The following USP48 variants were observed in gnomAD, a reference collection of about 807,000 sequenced individuals.
USP48 encodes the protein ubiquitin specific peptidase 48, also known as ubiquitin carboxyl-terminal hydrolase 48.
A neutral mutation model predicts 150.7 loss-of-function variants in USP48; 43 were observed. The ratio of observed to expected loss-of-function variants is 0.29; its 90% CI spans 0.22 to 0.37. USP48 has a LOEUF of 0.37. Among genes scored for constraint, USP48 ranks in the 10% least tolerant of loss-of-function variants. The probability of loss-of-function intolerance (pLI) is 1.00; values close to 1 mark genes in which losing one functional copy is unlikely to be tolerated. For synonymous variants in USP48, 396 were observed against 425.9 expected (o/e 0.93, Z 0.86); for missense variants, 813 against 1,249.6 (o/e 0.65, Z 5.27).
At chr1:21,752,066 CT>C (rs1248854636) in intron 5 of USP48, among the ~76,000 whole-genome samples, 1 of 150,938 alleles carries the variant, frequency 6.6e-6, no homozygotes, top group Non-Finnish European at 1.5e-5. Flanking sequence ...CCTGGTGAAG[CT>C]AAACATTCGT....
intron 25 of USP48, chr1:21,686,308 T>A (rs2097580177): frequency 6.6e-6 from 1 of 152,248 alleles, no homozygotes; most frequent in African/African-American, 2.4e-5. Flanking sequence ...TTAGGTATGA[T>A]GTCAGCTGTG....
intron 6 of USP48, among the ~76,000 whole-genome samples, chr1:21,749,919 A>G (rs1435303160): frequency 6.6e-6 from 1 of 152,156 alleles, no homozygotes; most frequent in Non-Finnish European, 1.5e-5. Flanking sequence ...TGCAAATTTT[A>G]TCTGCTCTTA....
At position 21,695,230 on chromosome 1, in the gene USP48, A is replaced by T. The variant is rs1448218279; in HGVS notation, c.2728-9T>A. On this transcript the variant is annotated splice_polypyrimidine_tract_variant and intron_variant, in intron 22 of 26. Coordinates refer to ENST00000308271, the MANE Select transcript of USP48 (RefSeq NM_032236.8). ...TTTGTTCCACCATTGCTCTATAATG[A>T]AGATTGGAAATGAAGAAAGCACTGA... 6.3e-7 allele frequency: 1 copy of T among 1,593,852 alleles called. No homozygotes were observed. The highest frequency in any genetic ancestry group is 8.5e-7 in the Non-Finnish European group (1 of 1,171,394).
At chr1:21,696,191 C>G (rs2097629352) in intron 22 of USP48, among the ~76,000 whole-genome samples, 2 of 152,240 alleles carry the variant, frequency 1.3e-5, no homozygotes, top group Admixed American at 1.3e-4. Flanking sequence ...GTAATCCCAA[C>G]ACTCTGGGAG....
chr1:21,694,612 C>T (rs1423293759), intron 23 of USP48, among the ~76,000 whole-genome samples: 1 of 65,572 alleles, frequency 1.5e-5, no homozygotes. Context: ...AAAAAACCCC[C>T]TCTATCTATC....
chr1:21,683,107 A>C (rs142446315), intron 25 of USP48, among the ~76,000 whole-genome samples: 1 of 152,124 alleles, frequency 6.6e-6, no homozygotes, highest in Non-Finnish European at 1.5e-5. Context: ...CCAAAAATAC[A>C]AAAGTTAGCC....
chr1:21,695,421 T>C (rs920655263), intron 22 of USP48, among the ~76,000 whole-genome samples, 200 bp from the exon 23 acceptor site: 1 of 152,206 alleles, frequency 6.6e-6, no homozygotes, highest in Non-Finnish European at 1.5e-5. Context: ...TAATGAGTAA[T>C]ACACACCTCT....
At chr1:21,757,822 A>C (rs1225928797) in intron 1 of USP48, 39 bp from the exon 2 acceptor site, 3 of 1,555,764 alleles carry the variant, frequency 1.9e-6, no homozygotes, top group Non-Finnish European at 2.6e-6. Flanking sequence ...TTAAAAGACC[A>C]TAGTTTCATG....
intron 11 of USP48, 195 bp from the exon 12 acceptor site, chr1:21,724,290 G>A (rs2097730278): frequency 4.7e-6 from 3 of 632,130 alleles, no homozygotes; most frequent in South Asian, 1.9e-5. Context: ...AGTTCAAGGA[G>A]CTGTGCACCA....
chr1:21,770,680 C>A (rs1290313199), intron 1 of USP48, among the ~76,000 whole-genome samples: 2 of 151,164 alleles, frequency 1.3e-5, no homozygotes, highest in African/African-American at 4.9e-5. Context: ...CAGGGTTTCA[C>A]CATATTGGCC....
chr1:21,720,079 C>T (rs767645796), intron 14 of USP48, among the ~76,000 whole-genome samples: 2 of 152,124 alleles, frequency 1.3e-5, no homozygotes, highest in Non-Finnish European at 2.9e-5. Context: ...AACATAATTT[C>T]TGATTTGAAA....
chr1:21,726,778 T>C (rs951150397), intron 11 of USP48, among the ~76,000 whole-genome samples: 3 of 152,146 alleles, frequency 2.0e-5, no homozygotes, highest in Non-Finnish European at 4.4e-5. Flanking sequence ...TGTGATTCAG[T>C]AAACTACAAG....
chr1:21,723,767 T>C lies in USP48; in HGVS notation c.1648+131A>G, dbSNP rs2097728653. 4 of 779,328 alleles carry C rather than the reference T, an allele frequency of 5.1e-6. No individual in the cohort carries two copies. The Admixed American group carries it at 1.1e-4, about 20-fold the overall frequency. 48.3% of individuals were successfully genotyped at this position (779,328 alleles called of 1,614,324 possible). On this transcript the variant is annotated intron_variant, in intron 12 of 26. Coordinates refer to ENST00000308271, the MANE Select transcript of USP48 (RefSeq NM_032236.8). Reference sequence around the variant, plus strand: ...CTTCTACTTTATTTAGCAAATCCTTTGTGCAAAGTGTAAGGAATATTTGGT... The same window carrying C: ...CTTCTACTTTATTTAGCAAATCCTTCGTGCAAAGTGTAAGGAATATTTGGT...
chr1:21,690,157 C>T lies in USP48; in HGVS notation c.2884-58G>A. The T allele has an allele frequency of 4.8e-6, 7 of 1,453,100 alleles. No homozygotes were observed. In the South Asian group the frequency reaches 6.0e-5, roughly 12 times the overall value. The allele number at this position is 1,453,100 out of a possible 1,614,324, so 90.0% of individuals were successfully genotyped here. A position where few individuals can be genotyped will look rare whatever the true frequency, so the allele number is the denominator to read the frequency against. On this transcript the variant is annotated intron_variant, in intron 23 of 26. Coordinates refer to ENST00000308271, the MANE Select transcript of USP48 (RefSeq NM_032236.8). The stretch of plus-strand genomic sequence containing the variant: ...AATGCAAAATACTAAGACTTATACC[C>T]TATTTAAATAAATTATGCATGGATT...
intron 23 of USP48, among the ~76,000 whole-genome samples, chr1:21,691,125 A>C (rs1013038831): frequency 6.6e-6 from 1 of 151,384 alleles, no homozygotes; most frequent in Non-Finnish European, 1.5e-5. Context: ...GACCAGCCTG[A>C]CCAACATGGT....
intron 14 of USP48, 121 bp downstream of exon 14, chr1:21,720,915 T>G: frequency 9.8e-5 from 127 of 1,302,478 alleles, no homozygotes; most frequent in Non-Finnish European, 1.2e-4. Context: ...TGGGCTCAAG[T>G]GATCTGCCCG....
chr1:21,714,892 C>A (rs1448749237), intron 15 of USP48, among the ~76,000 whole-genome samples: 1 of 152,044 alleles, frequency 6.6e-6, no homozygotes, highest in Non-Finnish European at 1.5e-5. Flanking sequence ...GCCTATAATC[C>A]CACCACTATG....
At chr1:21,752,701 T>A in intron 4 of USP48, 50 bp from the exon 5 acceptor site, 2 of 1,544,342 alleles carry the variant, frequency 1.3e-6, no homozygotes, top group Non-Finnish European at 1.7e-6. Flanking sequence ...CTTTTCAACT[T>A]CTACTACAAA....
In USP48 at chr1:21,688,186, G is replaced by A. The variant is rs373232452; in HGVS notation, c.3010-947C>T. ...CGACTAAGTTAGGCCCTTAGGGAGG[G>A]TAGAATTGGGCAAATGAGGCTGGTT... On this transcript the variant is annotated intron_variant, in intron 24 of 26. Coordinates refer to ENST00000308271, the MANE Select transcript of USP48 (RefSeq NM_032236.8). Among the ~76,000 whole-genome samples, 146 of 152,248 alleles carry A rather than the reference G, an allele frequency of 9.6e-4. 1 individual carries two copies. Among genetic ancestry groups the A allele is most frequent in the African/African-American group, 3.4e-3 (143 of 41,548 alleles).
Sources: gnomAD v4.1 joint callset for allele counts (sites outside exome capture counted in the v4.1 genomes callset) on GRCh38, gnomAD v4.1.1 for gene constraint, MANE v1.5 for transcripts, NCBI Gene and HGNC (gene_info 2026-07-23, HGNC 2026-07-21) for gene names.